Variants in PCDHA7 observed in about 807,000 individuals in gnomAD.
PCDHA7 encodes the protein protocadherin alpha-7.
PCDHA7 carries 37 observed loss-of-function variants against 57.2 expected under a neutral mutation model. The ratio of observed to expected loss-of-function variants is 0.65; its 90% confidence interval spans 0.50 to 0.85. The LOEUF is 0.85. PCDHA7 is among the 40% of genes least tolerant of loss of function. The probability of loss-of-function intolerance (pLI) is 0.00; values close to 1 mark genes in which losing one functional copy is unlikely to be tolerated. For missense variants in PCDHA7, 1,188 were observed against 1,241.8 expected (o/e 0.96, Z 0.65); for synonymous variants, 553 against 558.8 (o/e 0.99, Z 0.15).
intron 1 of PCDHA7, chr5:140,929,696 A>G (rs955159626): frequency 2.6e-5 from 7 of 266,458 alleles, no homozygotes; most frequent in African/African-American, 1.3e-4. Flanking sequence ...TCTGCTTTAT[A>G]TGAATATAAT....
intron 1 of PCDHA7, chr5:140,862,180 CA>C (rs1408132694): frequency 6.0e-6 from 1 of 165,728 alleles, no homozygotes; most frequent in African/African-American, 2.4e-5. Context: ...GCAGTTGACA[CA>C]GGCAATTCCC....
intron 1 of PCDHA7, chr5:140,869,000 C>A: frequency 2.0e-6 from 3 of 1,518,418 alleles, no homozygotes; most frequent in Non-Finnish European, 2.6e-6. Flanking sequence ...GTTTAAGGAT[C>A]CTTTGAAACT....
chr5:140,884,396 C>CT, intron 1 of PCDHA7: 1 of 1,614,012 alleles, frequency 6.2e-7, no homozygotes, highest in South Asian at 1.1e-5. Flanking sequence ...GGTGTCCAGC[C>CT]TGTTGGTGCT....
intron 1 of PCDHA7, chr5:140,858,225 C>T (rs2045276704): frequency 6.3e-7 from 1 of 1,596,714 alleles, no homozygotes; most frequent in South Asian, 1.1e-5. Context: ...GCGGCGCCCA[C>T]CGAGGGCGCA....
chr5:140,846,328 A>G (rs188043229), intron 1 of PCDHA7, among the ~76,000 whole-genome samples: 2 of 147,118 alleles, frequency 1.4e-5, no homozygotes, highest in East Asian at 3.9e-4. Flanking sequence ...TGTTGTAAAT[A>G]GCCTTTTAAA....
At chr5:140,906,796 T>C (rs1021322398) in intron 1 of PCDHA7, among the ~76,000 whole-genome samples, 1 of 152,236 alleles carries the variant, frequency 6.6e-6, no homozygotes, top group African/African-American at 2.4e-5. Context: ...ATTCCATGCA[T>C]ACTCTTCCTT....
intron 3 of PCDHA7, among the ~76,000 whole-genome samples, chr5:141,008,523 C>A (rs2098380908): frequency 6.6e-6 from 1 of 152,182 alleles, no homozygotes; most frequent in Admixed American, 6.5e-5. Context: ...CAATCAGACT[C>A]TTGGGAATGT....
At chr5:140,881,336 G>A in intron 1 of PCDHA7, 1 of 985,066 alleles carries the variant, frequency 1.0e-6, no homozygotes, top group Non-Finnish European at 1.2e-6. Context: ...CCAGGACGCC[G>A]ATTCGGGCTA....
intron 1 of PCDHA7, chr5:140,875,556 C>G (rs781896642): frequency 6.2e-7 from 1 of 1,614,128 alleles, no homozygotes; most frequent in East Asian, 2.2e-5. Flanking sequence ...AGGTGGGGAG[C>G]GGCCAGCTCC....
intron 1 of PCDHA7, among the ~76,000 whole-genome samples, chr5:140,925,279 C>T (rs1477579286): frequency 6.6e-6 from 1 of 152,058 alleles, no homozygotes; most frequent in African/African-American, 2.4e-5. Context: ...TCAGATTTTG[C>T]CTTTCAAATG....
rs782366361 is a variant in PCDHA7, at chr5:140,884,693, T to C, written c.2355+47955T>C. On this transcript the variant is annotated intron_variant, in intron 1 of 3. Coordinates refer to ENST00000525929, the MANE Select transcript of PCDHA7 (RefSeq NM_018910.3). ...CTTATATTTTAAAAAATTGTCTTAGTAAACACTTTAGCCTTCCTTGCAGTT... is the reference window on the plus strand; with the variant it reads ...CTTATATTTTAAAAAATTGTCTTAGCAAACACTTTAGCCTTCCTTGCAGTT... The C allele has an allele frequency of 2.1e-5, 32 of 1,524,768 alleles. No individual in the cohort carries two copies. The East Asian group carries it at 6.9e-4, about 33-fold the overall frequency. The allele number at this position is 1,524,768 out of a possible 1,614,324, so 94.5% of individuals were successfully genotyped here. A position where few individuals can be genotyped will look rare whatever the true frequency, so the allele number is the denominator to read the frequency against.
chr5:140,881,282 G>A, intron 1 of PCDHA7: 1 of 795,028 alleles, frequency 1.3e-6, no homozygotes, highest in Non-Finnish European at 1.5e-6. Context: ...GTAAGATGGA[G>A]AGAGAAAATG....
intron 1 of PCDHA7, among the ~76,000 whole-genome samples, chr5:140,922,635 C>G (rs1403011776): frequency 6.6e-6 from 1 of 152,118 alleles, no homozygotes; most frequent in Non-Finnish European, 1.5e-5. Context: ...ATAAGCCACT[C>G]CATCAAACAG....
rs781989346 is a variant in PCDHA7 at position 140,869,537 on chromosome 5, C to CT, written c.2355+32800dup. 1.6e-5 allele frequency: 26 copies of CT among 1,614,202 alleles called. 1 individual carries two copies. The highest frequency in any genetic ancestry group is 1.9e-5 in the Non-Finnish European group (23 of 1,180,050). ...GAACAAAAGCTGCTGATTGCGGAAT[C>CT]TAAGCAATCGGACTCGCGTTTTCCA... On this transcript the variant is annotated intron_variant, in intron 1 of 3. Coordinates refer to ENST00000525929, the MANE Select transcript of PCDHA7 (RefSeq NM_018910.3).
chr5:140,858,380 C>G, intron 1 of PCDHA7: 1 of 1,583,962 alleles, frequency 6.3e-7, no homozygotes, highest in South Asian at 1.1e-5. Context: ...TCCACCATGC[C>G]CAATGGTAGA....
chr5:140,942,901 A>T (rs1361297196), intron 1 of PCDHA7, among the ~76,000 whole-genome samples: 1 of 152,094 alleles, frequency 6.6e-6, no homozygotes, highest in East Asian at 1.9e-4. Context: ...TATCTCTAAG[A>T]ATAAGCGTGA....
At position 140,877,685 on chromosome 5, in the gene PCDHA7, C is replaced by T. The variant is rs377753884; in HGVS notation, c.2355+40947C>T. On this transcript the variant is annotated intron_variant, in intron 1 of 3. Transcript: ENST00000525929. Reference sequence around the variant, plus strand: ...AGCCGGTGCGCGCCGGGCAAGCCCACGCTGGTGTGCTCCAGCGCCGTGGGG... The same window carrying T: ...AGCCGGTGCGCGCCGGGCAAGCCCATGCTGGTGTGCTCCAGCGCCGTGGGG... 3.4e-5 allele frequency: 55 copies of T among 1,613,628 alleles called. No homozygotes were observed. Among genetic ancestry groups the T allele is most frequent in the Non-Finnish European group, 4.6e-5 (54 of 1,179,904 alleles).
rs782361309 is a variant in PCDHA7 at position 140,857,289 on chromosome 5, G to T, written c.2355+20551G>T. 3 of 1,598,578 alleles carry T rather than the reference G, an allele frequency of 1.9e-6. 1 individual carries two copies. Among genetic ancestry groups the T allele is most frequent in the Middle Eastern group, 1.7e-4 (1 of 5,944 alleles). ...TTGGTGCTGGACAGCGCTCTGGACC[G>T]CGAGAGGGTGTCGGCCTATGAGCTG... is the stretch of plus-strand genomic sequence containing the variant. On this transcript the variant is annotated intron_variant, in intron 1 of 3. Transcript: ENST00000525929.
intron 1 of PCDHA7, among the ~76,000 whole-genome samples, chr5:140,902,675 C>G (rs1554190566): frequency 1.3e-5 from 2 of 152,154 alleles, no homozygotes; most frequent in Admixed American, 1.3e-4. Flanking sequence ...GCAGTGTACA[C>G]CGTACCTAAT....
Sources: gnomAD v4.1 joint callset for allele counts (sites outside exome capture counted in the v4.1 genomes callset) on GRCh38, gnomAD v4.1.1 for gene constraint, MANE v1.5 for transcripts, NCBI Gene and HGNC (gene_info 2026-07-23, HGNC 2026-07-21) for gene names.